Variants in RREB1 observed in about 807,000 individuals in gnomAD.
The protein encoded by RREB1 is ras responsive element binding protein 1, also known as ras-responsive element-binding protein 1.
In RREB1, 27 loss-of-function variants were observed where a neutral mutation model predicts 117.8. The ratio of observed to expected loss-of-function variants is 0.23; its 90% CI spans 0.17 to 0.32. The LOEUF is 0.32. RREB1 is among the 10% of genes least tolerant of loss of function. The probability of loss-of-function intolerance (pLI) is 1.00; values close to 1 mark genes in which losing one functional copy is unlikely to be tolerated. For synonymous variants in RREB1, 1,298 were observed against 1,026.7 expected (o/e 1.26, Z -5.05); for missense variants, 2,577 against 2,378.2 (o/e 1.08, Z -1.74).
intron 1 of RREB1, among the ~76,000 whole-genome samples, chr6:7,126,426 A>G (rs1581418427): frequency 6.6e-6 from 1 of 151,760 alleles, no homozygotes. Context: ...ACGCCACCAC[A>G]TCTAGCTGAT....
intron 1 of RREB1, among the ~76,000 whole-genome samples, chr6:7,153,038 T>C (rs1763190521): frequency 6.6e-6 from 1 of 151,982 alleles, no homozygotes; most frequent in African/African-American, 2.4e-5. Flanking sequence ...AATTGAGGTG[T>C]TCTGGATTGT....
intron 8 of RREB1, chr6:7,212,109 A>C: frequency 4.4e-6 from 1 of 225,406 alleles, no homozygotes; most frequent in Non-Finnish European, 8.9e-6. Flanking sequence ...CGTGTTGGAT[A>C]CCCCTGGCAC....
At chr6:7,193,492 G>A (rs1274186259) in intron 6 of RREB1, among the ~76,000 whole-genome samples, 1 of 152,186 alleles carries the variant, frequency 6.6e-6, no homozygotes, top group Non-Finnish European at 1.5e-5. Flanking sequence ...GCTAAGATTT[G>A]AATAAAGGAT....
intron 1 of RREB1, among the ~76,000 whole-genome samples, chr6:7,121,157 AC>A (rs763541817): frequency 6.6e-5 from 10 of 151,908 alleles, no homozygotes; most frequent in Non-Finnish European, 1.2e-4. Context: ...ATGGGATTTT[AC>A]TATGTTGCCC....
At chr6:7,176,044 G>C (rs1487054337) in intron 1 of RREB1, among the ~76,000 whole-genome samples, 1 of 152,168 alleles carries the variant, frequency 6.6e-6, no homozygotes, top group African/African-American at 2.4e-5. Flanking sequence ...CAGCTCCAGA[G>C]TAGCTGGGAC....
chr6:7,223,452 T>C (rs1336093215), intron 8 of RREB1, among the ~76,000 whole-genome samples: 1 of 149,852 alleles, frequency 6.7e-6, no homozygotes, highest in Non-Finnish European at 1.5e-5. Flanking sequence ...TCCTAGCTAC[T>C]CAGGAGGCTG....
chr6:7,177,394 T>G (rs1764559294), intron 2 of RREB1, among the ~76,000 whole-genome samples: 1 of 149,896 alleles, frequency 6.7e-6, no homozygotes, highest in African/African-American at 2.5e-5. Context: ...CTCCCTCCCC[T>G]CCAAATCCAG....
chr6:7,110,127 T>C (rs986294667), intron 1 of RREB1, among the ~76,000 whole-genome samples: 2 of 152,228 alleles, frequency 1.3e-5, no homozygotes, highest in Non-Finnish European at 2.9e-5. Flanking sequence ...CCTTTATATA[T>C]GTAGTGGACC....
intron 1 of RREB1, among the ~76,000 whole-genome samples, chr6:7,152,541 G>A (rs1210935161): frequency 1.3e-5 from 2 of 152,166 alleles, no homozygotes; most frequent in Non-Finnish European, 2.9e-5. Context: ...TTACAGCTGA[G>A]CTATAAATGT....
At chr6:7,179,264 T>TA (rs1490296190) in intron 2 of RREB1, among the ~76,000 whole-genome samples, 6 of 152,228 alleles carry the variant, frequency 3.9e-5, no homozygotes, top group African/African-American at 7.2e-5. Context: ...TCTACACACA[T>TA]ACACACACAT....
chr6:7,152,819 G>A (rs913340160), intron 1 of RREB1, among the ~76,000 whole-genome samples: 2 of 152,204 alleles, frequency 1.3e-5, no homozygotes, highest in African/African-American at 4.8e-5. Flanking sequence ...AGTGCTCTCT[G>A]TAGAAAGTGC....
At chr6:7,181,336 A>G in intron 3 of RREB1, 90 bp downstream of exon 3, 1 of 400,300 alleles carries the variant, frequency 2.5e-6, no homozygotes, top group Non-Finnish European at 4.4e-6. Flanking sequence ...AGGCTTTGAT[A>G]TGTCAATTTG....
Position 7,229,189 on chromosome 6 carries a change from C to T in RREB1, c.1090C>T (p.Leu364=), listed in dbSNP as rs761029336. Residue 364 remains leucine (L), a synonymous_variant, in exon 10 of 13, where the codon CTG becomes TTG. Coordinates refer to ENST00000379938, the MANE Select transcript of RREB1 (RefSeq NM_001003699.4). This position sits in a 1 kb window ranked among gnomAD's most constrained non-coding sequence, Gnocchi z 4.5. Reference sequence around the variant, plus strand: ...TGACGCCCTGGACCAGAAGGGCTTCCTGGCCTTGCTTGGCCTGCAGCACAC... The same window carrying T: ...TGACGCCCTGGACCAGAAGGGCTTCTTGGCCTTGCTTGGCCTGCAGCACAC... ...PGDALDQKGF[L]ALLGLQHTKD... 6.2e-7 allele frequency: 1 copy of T among 1,610,742 alleles called. No homozygotes were observed. Among genetic ancestry groups the T allele is most frequent in the African/African-American group, 1.3e-5 (1 of 74,960 alleles).
At chr6:7,184,441 C>G (rs1201133058) in intron 4 of RREB1, 2 of 148,382 alleles carry the variant, frequency 1.3e-5, no homozygotes, top group Admixed American at 6.7e-5. Context: ...AAACTTTTTG[C>G]AGAGACGAGG....
At chr6:7,203,773 G>A (rs767283941) in intron 6 of RREB1, among the ~76,000 whole-genome samples, 24 of 152,338 alleles carry the variant, frequency 1.6e-4, no homozygotes, top group Admixed American at 5.2e-4. Flanking sequence ...TTCTGGGGAC[G>A]TATTGCCCTA....
chr6:7,209,625 G>A (rs1374346207), intron 6 of RREB1, among the ~76,000 whole-genome samples: 1 of 145,374 alleles, frequency 6.9e-6, no homozygotes, highest in Non-Finnish European at 1.5e-5. Context: ...CCAGGCTAGA[G>A]TGAAATGACA....
chr6:7,130,291 C>T (rs1002883736), intron 1 of RREB1, among the ~76,000 whole-genome samples: 1 of 152,246 alleles, frequency 6.6e-6, no homozygotes, highest in African/African-American at 2.4e-5. Context: ...TTCCATTCCT[C>T]TCCTTTGCTC....
chr6:7,227,068 TTATCTC>T (rs1767625546), intron 9 of RREB1, among the ~76,000 whole-genome samples: 1 of 151,742 alleles, frequency 6.6e-6, no homozygotes, highest in African/African-American at 2.4e-5. Context: ...CAGCAAGACT[TTATCTC>T]TACAAAAAAT....
intron 1 of RREB1, among the ~76,000 whole-genome samples, chr6:7,166,570 T>A (rs777233267): frequency 4.6e-5 from 7 of 152,192 alleles, no homozygotes; most frequent in Non-Finnish European, 7.3e-5. Context: ...AACGTCTGAT[T>A]ACGCACTGTG....
Sources: allele counts gnomAD v4.1 joint callset (sites outside exome capture counted in the v4.1 genomes callset), GRCh38; gene constraint gnomAD v4.1.1; non-coding constraint Gnocchi (gnomAD v3.1); transcripts MANE v1.5; gene names NCBI Gene and HGNC (gene_info 2026-07-23, HGNC 2026-07-21).